The following DSCAM variants were observed in gnomAD, a reference collection of about 807,000 sequenced individuals.
DSCAM encodes the protein DS cell adhesion molecule.
In DSCAM, 47 loss-of-function variants were observed where a neutral mutation model predicts 217.7. That is an observed-to-expected ratio of 0.22 (90% CI 0.17 to 0.28). The LOEUF is 0.28. DSCAM is among the 10% of genes least tolerant of loss of function. The probability of loss-of-function intolerance (pLI) is 1.00; values close to 1 mark genes in which losing one functional copy is unlikely to be tolerated. For missense variants in DSCAM, 2,080 were observed against 2,618.3 expected, an observed-to-expected ratio of 0.79 and a Z score of 4.49; for synonymous variants, 1,056 against 1,015.3, an observed-to-expected ratio of 1.04 and a Z score of -0.76.
At chr21:40,141,674 G>T (rs935256731) in intron 18 of DSCAM, among the ~76,000 whole-genome samples, 1 of 152,078 alleles carries the variant, frequency 6.6e-6, no homozygotes, top group African/African-American at 2.4e-5. Context: ...GACGGGGGGT[G>T]CAGGAGGGGG....
chr21:40,028,802 C>A (rs372758765), intron 32 of DSCAM, among the ~76,000 whole-genome samples: 1 of 152,228 alleles, frequency 6.6e-6, no homozygotes, highest in African/African-American at 2.4e-5. Flanking sequence ...TCTTCTGCGT[C>A]GCTCACGCTG....
intron 3 of DSCAM, among the ~76,000 whole-genome samples, chr21:40,650,186 T>A (rs961775526): frequency 2.0e-5 from 3 of 152,206 alleles, no homozygotes; most frequent in Non-Finnish European, 4.4e-5. Context: ...AACCTCTTCA[T>A]CTGGACAAGG....
chr21:40,792,343 T>A (rs1045576465), intron 1 of DSCAM, among the ~76,000 whole-genome samples: 1 of 152,076 alleles, frequency 6.6e-6, no homozygotes, highest in Admixed American at 6.5e-5. Context: ...TTTCACCATG[T>A]TGGCCAGGCT....
At chr21:40,731,258 G>A (rs1346543489) in intron 1 of DSCAM, among the ~76,000 whole-genome samples, 1 of 152,174 alleles carries the variant, frequency 6.6e-6, no homozygotes, top group Non-Finnish European at 1.5e-5. Flanking sequence ...CTTAAACACA[G>A]GTAGTATGAT....
At chr21:40,172,716 A>G (rs2090672783) in intron 15 of DSCAM, among the ~76,000 whole-genome samples, 1 of 152,182 alleles carries the variant, frequency 6.6e-6, no homozygotes, top group African/African-American at 2.4e-5. Context: ...CCAGTCCCAC[A>G]TTTTTGCCTC....
At chr21:40,306,227 A>C (rs62223789) in intron 9 of DSCAM, among the ~76,000 whole-genome samples, 1 of 130,570 alleles carries the variant, frequency 7.7e-6, no homozygotes, top group Admixed American at 7.5e-5. Context: ...GTTCACTCAT[A>C]ATTTGGCTCT....
At chr21:40,268,165 T>C (rs550988335) in intron 11 of DSCAM, among the ~76,000 whole-genome samples, 1 of 152,324 alleles carries the variant, frequency 6.6e-6, no homozygotes, top group African/African-American at 2.4e-5. Flanking sequence ...GGCATTATGT[T>C]ATATACCCAT....
At chr21:40,822,052 C>A (rs1442425891) in intron 1 of DSCAM, among the ~76,000 whole-genome samples, 1 of 151,502 alleles carries the variant, frequency 6.6e-6, no homozygotes, top group East Asian at 1.9e-4. Flanking sequence ...GGCACAGTGG[C>A]TCATGCCTGT....
chr21:40,065,108 T>C (rs1269166661), intron 27 of DSCAM, among the ~76,000 whole-genome samples: 4 of 151,980 alleles, frequency 2.6e-5, no homozygotes, highest in African/African-American at 4.8e-5. Context: ...CTACCAGGTG[T>C]ACAGTGGGAC....
At chr21:40,668,202 C>T (rs548572649) in intron 3 of DSCAM, among the ~76,000 whole-genome samples, 79 of 119,122 alleles carry the variant, frequency 6.6e-4, no homozygotes, top group Non-Finnish European at 1.2e-3. Context: ...CACTGCTGTA[C>T]ACTAGTCCCT....
At chr21:40,452,915 TA>T (rs919412632) in intron 3 of DSCAM, among the ~76,000 whole-genome samples, 4 of 152,172 alleles carry the variant, frequency 2.6e-5, no homozygotes, top group African/African-American at 7.2e-5. Flanking sequence ...GAATTAGACA[TA>T]ATTAGGTAAT....
chr21:40,401,159 C>T lies in DSCAM; in HGVS notation c.509-31914G>A, dbSNP rs181523983. Among the ~76,000 whole-genome samples the T allele has an allele frequency of 2.5e-3, 384 of 152,222 alleles. 2 individuals are homozygous for T. The highest frequency in any genetic ancestry group is 8.7e-3 in the African/African-American group (363 of 41,538). On this transcript the variant is annotated intron_variant, in intron 3 of 32. Coordinates refer to ENST00000400454, the MANE Select transcript of DSCAM (RefSeq NM_001389.5). Reference sequence around the variant, plus strand: ...TACCATAGTTTTCTGTCCCTTGTTCCGCTAAGTAAAAGTAACAGTAACAGG... The same window carrying T: ...TACCATAGTTTTCTGTCCCTTGTTCTGCTAAGTAAAAGTAACAGTAACAGG...
intron 32 of DSCAM, among the ~76,000 whole-genome samples, chr21:40,013,756 T>C (rs909633819): frequency 4.6e-5 from 7 of 152,292 alleles, no homozygotes; most frequent in Admixed American, 6.5e-5. Flanking sequence ...CCGCATGTGA[T>C]TGGAAGTACA....
chr21:40,210,127 T>A (rs1317588283), intron 11 of DSCAM, among the ~76,000 whole-genome samples: 2 of 152,154 alleles, frequency 1.3e-5, no homozygotes, highest in Non-Finnish European at 2.9e-5. Flanking sequence ...AGAACATGGT[T>A]TTCCTTTTCC....
intron 3 of DSCAM, among the ~76,000 whole-genome samples, chr21:40,430,458 A>G (rs1295000877): frequency 6.6e-6 from 1 of 152,188 alleles, no homozygotes; most frequent in Non-Finnish European, 1.5e-5. Flanking sequence ...CTAGCCTCTC[A>G]GCTTACATCT....
chr21:40,780,419 G>GTATATATATATATATATATA (rs1417914986), intron 1 of DSCAM, among the ~76,000 whole-genome samples: 9 of 44,710 alleles, frequency 2.0e-4, no homozygotes, highest in African/African-American at 1.6e-3. Flanking sequence ...GTGTGTGTGT[G>GTATATATATATATATATATA]TGTGTATATA....
rs141911963 is a variant in DSCAM at position 40,257,469 on chromosome 21, A to AACACACACACACACACACACACACAC, written c.2356+18602_2356+18627dup. 5.0e-3 allele frequency among the ~76,000 whole-genome samples: 718 copies of AACACACACACACACACACACACACAC among 144,734 alleles called. 6 individuals are homozygous for AACACACACACACACACACACACACAC. Among genetic ancestry groups the AACACACACACACACACACACACACAC allele is most frequent in the African/African-American group, 0.013 (504 of 39,070 alleles). The allele number at this position is 144,734 out of a possible 152,430, so 95.0% of individuals were successfully genotyped here. ...TTCAAAGGGCTGGCTGTATTTGCTGAACACACACACACACACACACACACA... is the reference window on the plus strand; with the variant it reads ...TTCAAAGGGCTGGCTGTATTTGCTGAACACACACACACACACACACACACACACACACACACACACACACACACACA... On this transcript the variant is annotated intron_variant, in intron 11 of 32. Coordinates refer to ENST00000400454, the MANE Select transcript of DSCAM (RefSeq NM_001389.5).
At chr21:40,298,084 CTTTTTT>C (rs59908038) in intron 9 of DSCAM, among the ~76,000 whole-genome samples, 2 of 132,686 alleles carry the variant, frequency 1.5e-5, no homozygotes, top group African/African-American at 5.9e-5. Context: ...TTAGCTTTTA[CTTTTTT>C]TTTTTTTTTT....
At position 40,044,201 on chromosome 21, in the gene DSCAM, G is replaced by A. The variant is rs1369501286; in HGVS notation, c.5260C>T (p.Arg1754Ter). Residue 1754 changes from arginine (R) to a stop codon, truncating the protein, a stop_gained, in exon 31 of 33, where the codon CGA becomes TGA. Coordinates refer to ENST00000400454, the MANE Select transcript of DSCAM (RefSeq NM_001389.5). LOFTEE classifies it high-confidence loss of function. ...TGTGCTGAGATGGTGGGGTGGGGTC[G>A]GTTGAGGGTCCACTGGCTGGCATAG... ...NRYASQWTLN[R>*]PHPTISAHTL... is the part of the protein sequence containing the mutation. The A allele has an allele frequency of 6.2e-7, 1 of 1,614,166 alleles. No homozygotes were observed.
Sources: allele counts gnomAD v4.1 joint callset (sites outside exome capture counted in the v4.1 genomes callset), GRCh38; gene constraint gnomAD v4.1.1; transcripts MANE v1.5; gene names NCBI Gene and HGNC (gene_info 2026-07-23, HGNC 2026-07-21).